Variants in GRM1 observed in about 807,000 individuals in gnomAD.
The protein encoded by GRM1 is glutamate metabotropic receptor 1, also known as metabotropic glutamate receptor 1.
GRM1 carries 33 observed loss-of-function variants against 90.9 expected under a neutral mutation model. The observed-to-expected ratio is 0.36, with a 90% CI of 0.28 to 0.49. The LOEUF (loss-of-function observed/expected upper bound fraction) is 0.49, where lower values mean the gene tolerates loss of function less well. GRM1 is among the 20% of genes least tolerant of loss of function. The probability of loss-of-function intolerance (pLI) is 0.99; values close to 1 mark genes in which losing one functional copy is unlikely to be tolerated. For synonymous variants in GRM1, 700 were observed against 613.2 expected (o/e 1.14, Z -2.09); for missense variants, 1,190 against 1,534.3 (o/e 0.78, Z 3.75).
intron 3 of GRM1, among the ~76,000 whole-genome samples, chr6:146,348,253 G>A (rs1785253146): frequency 6.6e-6 from 1 of 152,166 alleles, no homozygotes; most frequent in African/African-American, 2.4e-5. Context: ...CTATTTACTA[G>A]CCATGAAAAT....
chr6:146,399,877 C>T lies in GRM1; in HGVS notation c.2660+178C>T, dbSNP rs1777096278. Among the ~76,000 whole-genome samples, 1 of 152,170 alleles carries T rather than the reference C, an allele frequency of 6.6e-6. No individual in the cohort carries two copies. On this transcript the variant is annotated intron_variant, in intron 7 of 7. Coordinates refer to ENST00000282753, the MANE Select transcript of GRM1 (RefSeq NM_001278064.2). This position sits in a 1 kb window ranked among gnomAD's most constrained non-coding sequence, Gnocchi z 5.4. ...AATCTTTTCTCCCTTTCTTAAATCT[C>T]ACATTCTGTTGCAGTAAGAATGCAG...
At chr6:146,127,011 T>C (rs1050597955) in intron 1 of GRM1, among the ~76,000 whole-genome samples, 5 of 152,166 alleles carry the variant, frequency 3.3e-5, no homozygotes, top group African/African-American at 1.2e-4. Context: ...AAAAAAATAT[T>C]TCCACAAGTA....
intron 1 of GRM1, among the ~76,000 whole-genome samples, chr6:146,037,477 T>TTTTCTTTC (rs1227638623): frequency 6.6e-6 from 1 of 151,664 alleles, no homozygotes; most frequent in East Asian, 1.9e-4. Context: ...CAAGCCAAAG[T>TTTTCTTTC]TTTCTTTCTT....
At chr6:146,037,109 A>T (rs1052210161) in intron 1 of GRM1, among the ~76,000 whole-genome samples, 1 of 151,988 alleles carries the variant, frequency 6.6e-6, no homozygotes. Flanking sequence ...CTACCATGTT[A>T]TATTCCTCAC....
At chr6:146,226,800 C>T (rs985617117) in intron 2 of GRM1, among the ~76,000 whole-genome samples, 5 of 152,100 alleles carry the variant, frequency 3.3e-5, no homozygotes, top group African/African-American at 1.2e-4. Context: ...TGATTCTATG[C>T]TAACTTTGCT....
chr6:146,066,328 T>C (rs2128856545), intron 1 of GRM1, among the ~76,000 whole-genome samples: 1 of 152,236 alleles, frequency 6.6e-6, no homozygotes, highest in East Asian at 1.9e-4. Flanking sequence ...GGTATTTGGT[T>C]TTCTGTTTCT....
At chr6:146,244,126 A>G (rs573274358) in intron 2 of GRM1, among the ~76,000 whole-genome samples, 1 of 152,270 alleles carries the variant, frequency 6.6e-6, no homozygotes, top group South Asian at 2.1e-4. Context: ...TGAGTTATGA[A>G]CAATTTGTGC....
At chr6:146,291,186 A>G (rs1782968431) in intron 2 of GRM1, among the ~76,000 whole-genome samples, 1 of 151,992 alleles carries the variant, frequency 6.6e-6, no homozygotes, top group Non-Finnish European at 1.5e-5. Context: ...ATGCTTTTGC[A>G]TATCATGTTA....
chr6:146,163,976 A>C (rs557921660), intron 2 of GRM1, among the ~76,000 whole-genome samples: 1 of 152,158 alleles, frequency 6.6e-6, no homozygotes, highest in East Asian at 1.9e-4. Flanking sequence ...CTATAGAACT[A>C]TATTTATGTA....
chr6:146,067,253 A>T (rs1488085732), intron 1 of GRM1, among the ~76,000 whole-genome samples: 2 of 152,184 alleles, frequency 1.3e-5, no homozygotes, highest in Non-Finnish European at 2.9e-5. Context: ...GTAGCACATG[A>T]ATTAGAAACT....
chr6:146,364,513 A>G (rs1026552192), intron 5 of GRM1, among the ~76,000 whole-genome samples: 1 of 152,144 alleles, frequency 6.6e-6, no homozygotes, highest in Admixed American at 6.6e-5. Context: ...CTTTTTCTTT[A>G]ACTATTTCAT....
intron 1 of GRM1, among the ~76,000 whole-genome samples, chr6:146,082,421 G>A (rs2128863812): frequency 6.6e-6 from 1 of 152,264 alleles, no homozygotes; most frequent in South Asian, 2.1e-4. Context: ...CTCCCAAAAT[G>A]TTGGGATTAC....
chr6:146,308,801 T>C (rs879407265), intron 3 of GRM1, among the ~76,000 whole-genome samples: 9 of 152,208 alleles, frequency 5.9e-5, no homozygotes, highest in African/African-American at 2.2e-4. Context: ...TAGTTTTAAA[T>C]TATGTATTAA....
intron 7 of GRM1, among the ~76,000 whole-genome samples, chr6:146,419,868 T>C (rs1430738254): frequency 1.3e-5 from 2 of 152,118 alleles, no homozygotes; most frequent in Non-Finnish European, 2.9e-5. Context: ...TCTGACATGC[T>C]GGGATTACAA....
At chr6:146,402,970 C>T (rs1184661672) in intron 7 of GRM1, among the ~76,000 whole-genome samples, 1 of 151,970 alleles carries the variant, frequency 6.6e-6, no homozygotes, top group Non-Finnish European at 1.5e-5. Flanking sequence ...TACTTGTATC[C>T]TGGGAGATCA....
chr6:146,429,895 G>C (rs1583488763), intron 7 of GRM1, among the ~76,000 whole-genome samples: 1 of 152,268 alleles, frequency 6.6e-6, no homozygotes, highest in East Asian at 1.9e-4. Flanking sequence ...TACTGTCCTT[G>C]TATCTGTTGT....
intron 2 of GRM1, among the ~76,000 whole-genome samples, chr6:146,205,070 G>T (rs1465214183): frequency 2.0e-5 from 3 of 152,262 alleles, no homozygotes; most frequent in Admixed American, 1.3e-4. Context: ...TTTATATTCT[G>T]CATTTAATCT....
intron 2 of GRM1, among the ~76,000 whole-genome samples, chr6:146,229,945 C>T (rs1227333851): frequency 1.3e-5 from 2 of 152,104 alleles, no homozygotes; most frequent in Non-Finnish European, 2.9e-5. Flanking sequence ...AGAGCTCTAA[C>T]ATTTAACTAC....
chr6:146,239,094 A>G (rs1780755949), intron 2 of GRM1, among the ~76,000 whole-genome samples: 1 of 152,172 alleles, frequency 6.6e-6, no homozygotes, highest in African/African-American at 2.4e-5. Flanking sequence ...AGACTTATAA[A>G]TACTCACCAT....
Sources: gnomAD v4.1 joint callset for allele counts (sites outside exome capture counted in the v4.1 genomes callset) on GRCh38, gnomAD v4.1.1 for gene constraint, Gnocchi (gnomAD v3.1) non-coding constraint, MANE v1.5 for transcripts, NCBI Gene and HGNC (gene_info 2026-07-23, HGNC 2026-07-21) for gene names.